The following UGGT2 variants were observed in gnomAD, a reference collection of about 807,000 sequenced individuals.
The protein encoded by UGGT2 is UDP-glucose glycoprotein glucosyltransferase 2, also known as UDP-glucose:glycoprotein glucosyltransferase 2.
A neutral mutation model predicts 192.1 loss-of-function variants in UGGT2; 180 were observed. The ratio of observed to expected loss-of-function variants is 0.94; its 90% CI spans 0.83 to 1.06. UGGT2 has a LOEUF of 1.06. UGGT2 is among the 50% of genes least tolerant of loss of function. UGGT2 has a pLI of 0.00. For synonymous variants in UGGT2, 580 were observed against 591.0 expected (o/e 0.98, Z 0.27); for missense variants, 1,849 against 1,795.7 (o/e 1.03, Z -0.54).
intron 12 of UGGT2, among the ~76,000 whole-genome samples, chr13:95,953,906 A>G (rs573604223): frequency 6.6e-6 from 1 of 152,306 alleles, no homozygotes; most frequent in East Asian, 1.9e-4. Flanking sequence ...AATAGTTACT[A>G]TAGTTAAAAA....
chr13:95,867,264 C>G lies in UGGT2; in HGVS notation c.3558+75G>C, dbSNP rs189636872. On this transcript the variant is annotated intron_variant, in intron 30 of 38. Coordinates refer to ENST00000376747, the MANE Select transcript of UGGT2 (RefSeq NM_020121.4). Reference sequence around the variant, plus strand: ...TTGTAAAGTTAATTGTAAAATAAATCAATTAATTAAAAAACAAAGAAGATA... The same window carrying G: ...TTGTAAAGTTAATTGTAAAATAAATGAATTAATTAAAAAACAAAGAAGATA... The G allele has an allele frequency of 8.1e-5, 100 of 1,233,532 alleles. No homozygotes were observed. In the East Asian group the frequency reaches 2.1e-3, roughly 25 times the overall value. 76.4% of individuals were successfully genotyped at this position (1,233,532 alleles called of 1,614,324 possible).
chr13:96,008,479 T>A (rs553435470), intron 5 of UGGT2, among the ~76,000 whole-genome samples: 1 of 152,170 alleles, frequency 6.6e-6, no homozygotes, highest in South Asian at 2.1e-4. Flanking sequence ...ATCTAGACAA[T>A]CCCATAGTCT....
intron 17 of UGGT2, among the ~76,000 whole-genome samples, chr13:95,931,706 G>A (rs996802968): frequency 1.8e-4 from 27 of 152,122 alleles, no homozygotes; most frequent in African/African-American, 4.8e-4. Flanking sequence ...CTCACTGCCC[G>A]GGCCGGCAGC....
At chr13:96,031,540 C>G (rs931351444) in intron 2 of UGGT2, among the ~76,000 whole-genome samples, 2 of 152,132 alleles carry the variant, frequency 1.3e-5, no homozygotes, top group Admixed American at 6.5e-5. Context: ...TAGTCTCTGA[C>G]TCCTGGGCTC....
intron 20 of UGGT2, among the ~76,000 whole-genome samples, chr13:95,920,194 TTAAGA>T (rs573822321): frequency 2.0e-3 from 311 of 152,178 alleles, no homozygotes; most frequent in Admixed American, 3.3e-3. Context: ...AAATATTAAC[TTAAGA>T]TAAACTAAAA....
At chr13:95,890,452 A>T (rs1038274051) in intron 25 of UGGT2, among the ~76,000 whole-genome samples, 1 of 152,030 alleles carries the variant, frequency 6.6e-6, no homozygotes, top group Non-Finnish European at 1.5e-5. Flanking sequence ...TGCTCAAATA[A>T]CCTCTTCTTT....
At chr13:95,841,443 G>A (rs904935362) in intron 36 of UGGT2, among the ~76,000 whole-genome samples, 5 of 152,088 alleles carry the variant, frequency 3.3e-5, no homozygotes, top group Admixed American at 6.6e-5. Context: ...ATGCAGTTTC[G>A]GGAGGAACAC....
intron 4 of UGGT2, among the ~76,000 whole-genome samples, chr13:96,016,874 C>T (rs909390792): frequency 1.3e-5 from 2 of 152,204 alleles, no homozygotes; most frequent in African/African-American, 2.4e-5. Context: ...TCAACCCCAA[C>T]CCATGACAGC....
At chr13:95,973,763 A>G (rs1015407124) in intron 10 of UGGT2, among the ~76,000 whole-genome samples, 1 of 152,174 alleles carries the variant, frequency 6.6e-6, no homozygotes, top group African/African-American at 2.4e-5. Context: ...TGATCTTTCT[A>G]CTTATTAGCT....
chr13:95,975,082 A>G (rs2050895140), intron 10 of UGGT2, among the ~76,000 whole-genome samples: 1 of 152,194 alleles, frequency 6.6e-6, no homozygotes, highest in Non-Finnish European at 1.5e-5. Flanking sequence ...CTCTGTCTCA[A>G]AAAAATAAAT....
At chr13:96,023,538 C>G in intron 3 of UGGT2, 91 bp downstream of exon 3, 2 of 1,337,362 alleles carry the variant, frequency 1.5e-6, no homozygotes, top group Non-Finnish European at 2.0e-6. Flanking sequence ...ACTTGTAGAT[C>G]ATTTTGAACT....
chr13:95,860,636 A>G, intron 32 of UGGT2, 152 bp downstream of exon 32: 1 of 419,510 alleles, frequency 2.4e-6, no homozygotes, highest in Non-Finnish European at 4.3e-6. Context: ...TAAAAATAAT[A>G]TTATGGGTTT....
intron 12 of UGGT2, 129 bp downstream of exon 12, chr13:95,969,983 G>T (rs2140775578): frequency 4.3e-6 from 4 of 940,984 alleles, no homozygotes; most frequent in Non-Finnish European, 6.4e-6. Flanking sequence ...TCTATAGTTT[G>T]ACTTTCTCTT....
At chr13:96,017,795 C>A (rs2052384271) in intron 4 of UGGT2, among the ~76,000 whole-genome samples, 1 of 151,956 alleles carries the variant, frequency 6.6e-6, no homozygotes, top group South Asian at 2.1e-4. Context: ...TATTTGAATT[C>A]TTTTATAATG....
intron 29 of UGGT2, among the ~76,000 whole-genome samples, chr13:95,872,150 T>C (rs1033791495): frequency 3.3e-5 from 5 of 152,182 alleles, no homozygotes; most frequent in African/African-American, 1.2e-4. Flanking sequence ...ATTAGGAAAA[T>C]CTGAGCAGCA....
intron 12 of UGGT2, among the ~76,000 whole-genome samples, chr13:95,952,913 T>C (rs2050110264): frequency 6.6e-6 from 1 of 152,194 alleles, no homozygotes; most frequent in Non-Finnish European, 1.5e-5. Flanking sequence ...AATGAAAATA[T>C]GCTATGATCC....
intron 5 of UGGT2, among the ~76,000 whole-genome samples, chr13:96,004,939 G>A (rs542101257): frequency 3.4e-4 from 51 of 151,878 alleles, no homozygotes; most frequent in Non-Finnish European, 5.7e-4. Flanking sequence ...CAGATCTAAC[G>A]AAGAAAGATC....
In UGGT2 at chr13:95,884,537, T is replaced by C; in HGVS notation, c.3182A>G (p.Glu1061Gly). Residue 1061 changes from glutamate to glycine, a missense_variant, in exon 27 of 39, where the codon GAA (glutamate) becomes GGA (glycine). Glu to Gly is a moderately conservative substitution (Grantham distance 98). Transcript: ENST00000376747. ...NMITPEGWLV[E>G]TVHSNCDLDN... is the part of the protein sequence containing the mutation. ...AAGGTCACAGTTGCTGTGCACTGTTTCAACCAACCAGCCTTCTGGAGTAAT... is the reference window on the plus strand; with the variant it reads ...AAGGTCACAGTTGCTGTGCACTGTTCCAACCAACCAGCCTTCTGGAGTAAT... The C allele has an allele frequency of 6.2e-7, 1 of 1,613,950 alleles. No homozygotes were observed. The highest frequency in any genetic ancestry group is 8.5e-7 in the Non-Finnish European group (1 of 1,179,918).
chr13:95,997,298 G>C (rs2051654145), intron 6 of UGGT2, among the ~76,000 whole-genome samples: 1 of 152,120 alleles, frequency 6.6e-6, no homozygotes, highest in Non-Finnish European at 1.5e-5. Context: ...AAAGAGAAGA[G>C]CATTCTCTAA....
Sources: gnomAD v4.1 joint callset for allele counts (sites outside exome capture counted in the v4.1 genomes callset) on GRCh38, gnomAD v4.1.1 for gene constraint, MANE v1.5 for transcripts, NCBI Gene and HGNC (gene_info 2026-07-23, HGNC 2026-07-21) for gene names.